The following CYP27C1 variants were observed in gnomAD, a reference collection of about 807,000 sequenced individuals.
The protein encoded by CYP27C1 is cytochrome P450 family 27 subfamily C member 1, also known as cytochrome P450 27C1.
A neutral mutation model predicts 40.6 loss-of-function variants in CYP27C1; 29 were observed. That is an observed-to-expected ratio of 0.71 (90% CI 0.53 to 0.97). The LOEUF (loss-of-function observed/expected upper bound fraction) is 0.97. CYP27C1 is among the 50% of genes least tolerant of loss of function. The pLI is 0.00. For missense variants in CYP27C1, 390 were observed against 485.8 expected, an observed-to-expected ratio of 0.80 and a Z score of 1.85; for synonymous variants, 198 against 186.8, an observed-to-expected ratio of 1.06 and a Z score of -0.49.
chr2:127,204,547 GAGAGAGAGAGAAAGAAAGAA>G (rs1451139392), intron 2 of CYP27C1, among the ~76,000 whole-genome samples: 6 of 64,852 alleles, frequency 9.3e-5, no homozygotes, highest in South Asian at 5.0e-4. Flanking sequence ...GAGAGAGAGA[GAGAGAGAGAGAAAGAAAGAA>G]AGAAAGAAAG....
At chr2:127,193,442 GCT>G (rs1216813976) in intron 7 of CYP27C1, 145 bp from the exon 8 acceptor site, 1 of 869,850 alleles carries the variant, frequency 1.1e-6, no homozygotes, top group East Asian at 2.6e-5. Flanking sequence ...GATGGCAGCC[GCT>G]CCCCCCTTCC....
At chr2:127,190,941 G>GAA (rs36094047) in intron 8 of CYP27C1, among the ~76,000 whole-genome samples, 23 of 85,602 alleles carry the variant, frequency 2.7e-4, no homozygotes, top group African/African-American at 6.3e-4. Flanking sequence ...GTGAGACTCT[G>GAA]AAAAAAAAAA....
chr2:127,193,370 C>T (rs947969442), intron 7 of CYP27C1, 73 bp from the exon 8 acceptor site: 1 of 1,582,476 alleles, frequency 6.3e-7, no homozygotes, highest in Admixed American at 1.7e-5. Context: ...GCCCAGAGCC[C>T]TAGCCGGACA....
rs550726415 is a variant in CYP27C1 at position 127,186,006 on chromosome 2, C to T, written c.*1265G>A. The T allele has an allele frequency of 3.3e-5, 5 of 152,312 alleles. 1 individual carries two copies. The South Asian group carries it at 1.0e-3, about 32-fold the overall frequency. The allele number at this position is 152,312 out of a possible 1,614,324, so 9.4% of individuals were successfully genotyped here. A position where few individuals can be genotyped will look rare whatever the true frequency, so the allele number is the denominator to read the frequency against. On this transcript the variant is annotated 3_prime_UTR_variant, in exon 9 of 9. Coordinates refer to ENST00000664447, the MANE Select transcript of CYP27C1 (RefSeq NM_001367502.1). The surrounding 1 kb of genome is among the most constrained non-coding windows in gnomAD (Gnocchi z 4.5). ...TCTTGTGTGGATATTTAAAACAACA[C>T]CATCAAGATAAAAATATTGTTGTAT... is the stretch of plus-strand genomic sequence containing the variant.
At chr2:127,217,920 G>A (rs1683465105) in intron 1 of CYP27C1, among the ~76,000 whole-genome samples, 1 of 152,230 alleles carries the variant, frequency 6.6e-6, no homozygotes, top group Admixed American at 6.5e-5. Flanking sequence ...CTGCAGGAAG[G>A]TGAGAGTCCC....
rs1347893518 is a variant in CYP27C1 at position 127,204,473 on chromosome 2, AAAGAAAGAAAGAAAGG to A, written c.474-918_474-903del. Among the ~76,000 whole-genome samples, 41 of 56,090 alleles carry A rather than the reference AAAGAAAGAAAGAAAGG, an allele frequency of 7.3e-4. 1 individual carries two copies. The highest frequency in any genetic ancestry group is 2.4e-3 in the African/African-American group (38 of 16,080). The allele number at this position is 56,090 out of a possible 152,430, so 36.8% of individuals were successfully genotyped here. A position where few individuals can be genotyped will look rare whatever the true frequency, so the allele number is the denominator to read the frequency against. The stretch of plus-strand genomic sequence containing the variant: ...GAAAGAAAGAAAGAAAGAAAGAAAG[AAAGAAAGAAAGAAAGG>A]AAGGAAGGAAGGAAGGAAAGAAAGA... On this transcript the variant is annotated intron_variant, in intron 2 of 8. Transcript: ENST00000664447.
chr2:127,195,235 T>C lies in CYP27C1; in HGVS notation c.1214+100A>G. The C allele has an allele frequency of 6.8e-7, 1 of 1,472,936 alleles. No individual in the cohort carries two copies. Among genetic ancestry groups the C allele is most frequent in the Non-Finnish European group, 9.3e-7 (1 of 1,070,370 alleles). 91.2% of individuals were successfully genotyped at this position (1,472,936 alleles called of 1,614,324 possible). ...ATAACAGTCACGAACATCCTCATCCTGAACAGGTCAGCCGGGGGGGCATTT... is the reference window on the plus strand; with the variant it reads ...ATAACAGTCACGAACATCCTCATCCCGAACAGGTCAGCCGGGGGGGCATTT... On this transcript the variant is annotated intron_variant, in intron 6 of 8. Transcript: ENST00000664447. This position sits in a 1 kb window ranked among gnomAD's most constrained non-coding sequence, Gnocchi z 6.2.
In CYP27C1 at chr2:127,187,286, A is replaced by G; in HGVS notation, c.1599T>C (p.Phe533=). 6.2e-7 allele frequency: 1 copy of G among 1,614,124 alleles called. No individual in the cohort carries two copies. Among genetic ancestry groups the G allele is most frequent in the Non-Finnish European group, 8.5e-7 (1 of 1,179,996 alleles). The change falls in exon 9 of 9, where the codon TTT becomes TTC. Residue 533 remains phenylalanine, a synonymous_variant. Transcript: ENST00000664447. ...AAATCTAGGCTTACTTTCTGTTAAC[A>G]AATCGCACGTGGATGGGCCCCCCTG... is the stretch of plus-strand genomic sequence containing the variant. ...LTPGGPIHVR[F]VNRK is the part of the protein sequence containing the mutation.
intron 1 of CYP27C1, among the ~76,000 whole-genome samples, chr2:127,214,734 T>G (rs1683393698): frequency 6.7e-6 from 1 of 149,500 alleles, no homozygotes; most frequent in African/African-American, 2.5e-5. Context: ...ATGGTGCACG[T>G]ACACCTATGT....
Position 127,219,082 on chromosome 2 carries a change from C to T in CYP27C1, c.282+907G>A, listed in dbSNP as rs180803585. Among the ~76,000 whole-genome samples the T allele has an allele frequency of 1.2e-4, 19 of 152,116 alleles. No homozygotes were observed. Among genetic ancestry groups the T allele is most frequent in the Non-Finnish European group, 2.4e-4 (16 of 67,992 alleles). On this transcript the variant is annotated intron_variant, in intron 1 of 8. Transcript: ENST00000664447. The surrounding 1 kb of genome is among the most constrained non-coding windows in gnomAD (Gnocchi z 8.7). ...GCCCCCAACTCCGGCTTAGAGCCTA[C>T]GGCACCCCGAGCCTCCGAGCCTCCG...
intron 1 of CYP27C1, among the ~76,000 whole-genome samples, chr2:127,211,284 GA>G (rs1410812481): frequency 2.7e-5 from 4 of 147,796 alleles, no homozygotes; most frequent in African/African-American, 1.0e-4. Flanking sequence ...AATTAAAGCA[GA>G]AATCAAGAAG....
At position 127,184,154 on chromosome 2, in the gene CYP27C1, AC is replaced by A. The variant is rs1334645575; in HGVS notation, c.*3116del. On this transcript the variant is annotated 3_prime_UTR_variant, in exon 9 of 9. Coordinates refer to ENST00000664447, the MANE Select transcript of CYP27C1 (RefSeq NM_001367502.1). ...TACCATTATCACAACAAAAAAATTA[AC>A]AGTAATTCCCAAATATCATCAAATA... is the stretch of plus-strand genomic sequence containing the variant. 4.6e-5 allele frequency: 7 copies of A among 152,242 alleles called. No homozygotes were observed. The highest frequency in any genetic ancestry group is 1.7e-4 in the African/African-American group (7 of 41,462). 9.4% of individuals were successfully genotyped at this position (152,242 alleles called of 1,614,324 possible). A position where few individuals can be genotyped will look rare whatever the true frequency, so the allele number is the denominator to read the frequency against.
At chr2:127,213,572 C>G (rs574811038) in intron 1 of CYP27C1, among the ~76,000 whole-genome samples, 1 of 152,114 alleles carries the variant, frequency 6.6e-6, no homozygotes, top group Non-Finnish European at 1.5e-5. Context: ...GGGAAAGGAA[C>G]TCCTATTCAG....
rs1682621140 is a variant in CYP27C1, at chr2:127,186,191, T to C, written c.*1080A>G. ...TCTTATACGTCTGCTCTACTCTGTATTTAGATTTGGTTAGAAAATCTGATT... is the reference window on the plus strand; with the variant it reads ...TCTTATACGTCTGCTCTACTCTGTACTTAGATTTGGTTAGAAAATCTGATT... On this transcript the variant is annotated 3_prime_UTR_variant, in exon 9 of 9. Transcript: ENST00000664447. This position sits in a 1 kb window ranked among gnomAD's most constrained non-coding sequence, Gnocchi z 4.5. 3 of 152,104 alleles carry C rather than the reference T, an allele frequency of 2.0e-5. No individual in the cohort carries two copies. The South Asian group carries it at 6.2e-4, about 31-fold the overall frequency. The allele number at this position is 152,104 out of a possible 1,614,324, so 9.4% of individuals were successfully genotyped here.
chr2:127,199,867 C>A (rs1437231003), intron 4 of CYP27C1, among the ~76,000 whole-genome samples: 1 of 152,112 alleles, frequency 6.6e-6, no homozygotes, highest in African/African-American at 2.4e-5. Context: ...TTATTTTTTT[C>A]TACCACACTT....
At position 127,219,663 on chromosome 2, in the gene CYP27C1, C is replaced by G. The variant is rs1032520088; in HGVS notation, c.282+326G>C. Among the ~76,000 whole-genome samples the G allele has an allele frequency of 1.3e-5, 2 of 152,000 alleles. No homozygotes were observed. The highest frequency in any genetic ancestry group is 3.9e-4 in the East Asian group (2 of 5,138). On this transcript the variant is annotated intron_variant, in intron 1 of 8. Transcript: ENST00000664447. The surrounding 1 kb of genome is among the most constrained non-coding windows in gnomAD (Gnocchi z 8.7). ...GTTCCTTTCTGGCCCCGTTCCTCAG[C>G]TCCCTCTGCCTGCTGCCCCTCTCCG...
intron 8 of CYP27C1, among the ~76,000 whole-genome samples, chr2:127,188,016 C>T (rs2104670027): frequency 6.6e-6 from 1 of 152,248 alleles, no homozygotes; most frequent in African/African-American, 2.4e-5. Flanking sequence ...AATTATCTCC[C>T]CCGGCGGCCG....
chr2:127,211,084 A>C (rs1683325844), intron 1 of CYP27C1, among the ~76,000 whole-genome samples: 1 of 152,160 alleles, frequency 6.6e-6, no homozygotes, highest in African/African-American at 2.4e-5. Flanking sequence ...TGTACATGGC[A>C]CTTATTTGTC....
intron 1 of CYP27C1, among the ~76,000 whole-genome samples, chr2:127,206,593 C>T (rs1179212250): frequency 1.3e-5 from 2 of 152,182 alleles, no homozygotes; most frequent in Non-Finnish European, 2.9e-5. Context: ...CAGGCATGAT[C>T]ATGGAAGTTT....
Sources: gnomAD v4.1 joint callset for allele counts (sites outside exome capture counted in the v4.1 genomes callset) on GRCh38, gnomAD v4.1.1 for gene constraint, Gnocchi (gnomAD v3.1) non-coding constraint, MANE v1.5 for transcripts, NCBI Gene and HGNC (gene_info 2026-07-23, HGNC 2026-07-21) for gene names.